GIGYF2: variants seen among roughly 807,000 people sequenced by gnomAD.
GIGYF2 encodes the protein GRB10-interacting GYF protein 2.
Under a neutral mutation model 208.1 loss-of-function variants are expected in GIGYF2, and 25 were observed. The ratio of observed to expected loss-of-function variants is 0.12; its 90% CI spans 0.09 to 0.17. The LOEUF (loss-of-function observed/expected upper bound fraction) is 0.17. GIGYF2 is among the 10% of genes least tolerant of loss of function. GIGYF2 has a pLI of 1.00. For synonymous variants in GIGYF2, 534 were observed against 543.8 expected, an observed-to-expected ratio of 0.98 and a Z score of 0.25; for missense variants, 1,302 against 1,579.4, an observed-to-expected ratio of 0.82 and a Z score of 2.98.
chr2:232,739,574 A>C (rs1010123163), intron 3 of GIGYF2, among the ~76,000 whole-genome samples: 2 of 151,104 alleles, frequency 1.3e-5, no homozygotes, highest in Non-Finnish European at 3.0e-5. Flanking sequence ...AGCTACTTGG[A>C]AGGCTGAAGT....
Position 232,811,259 on chromosome 2 carries a change from G to C in GIGYF2, c.1914G>C (p.Gln638His). The C allele has an allele frequency of 6.2e-7, 1 of 1,604,406 alleles. No homozygotes were observed. Among genetic ancestry groups the C allele is most frequent in the Non-Finnish European group, 8.5e-7 (1 of 1,171,174 alleles). The change falls in exon 17 of 29, where the codon CAG (glutamine) becomes CAC (histidine). Residue 638 changes from glutamine to histidine, a missense_variant. Physicochemically the swap from Gln to His is conservative, Grantham distance 24. This residue lies in a region of GIGYF2 where 701 missense variants were observed against 793.0 expected (regional missense o/e 0.88). Coordinates refer to ENST00000373563, the MANE Select transcript of GIGYF2 (RefSeq NM_001103146.3). Reference protein sequence around the residue: ...QQFLIQQQYAQVLAQQQKAAL... With the variant: ...QQFLIQQQYAHVLAQQQKAAL... ...CTTTTTGAAGACAACAATATGCACA[G>C]GTTTTGGCCCAACAGCAGAAAGCAG...
At chr2:232,710,418 G>A (rs545765335) in intron 2 of GIGYF2, among the ~76,000 whole-genome samples, 10 of 152,270 alleles carry the variant, frequency 6.6e-5, no homozygotes, top group African/African-American at 2.4e-4. Flanking sequence ...AGACATGTCA[G>A]TGAGTTCTGT....
intron 3 of GIGYF2, chr2:232,736,787 A>G (rs949710346): frequency 6.6e-5 from 10 of 152,044 alleles, no homozygotes; most frequent in Admixed American, 3.3e-4. Context: ...TCTCTTTTAT[A>G]TTTACATACC....
chr2:232,793,021 C>G (rs1472483555), intron 12 of GIGYF2, among the ~76,000 whole-genome samples: 1 of 152,072 alleles, frequency 6.6e-6, no homozygotes, highest in East Asian at 1.9e-4. Flanking sequence ...TAGGTGGTCT[C>G]TGAACACATC....
chr2:232,755,543 C>T (rs1171783137), intron 5 of GIGYF2, among the ~76,000 whole-genome samples: 1 of 152,210 alleles, frequency 6.6e-6, no homozygotes, highest in Non-Finnish European at 1.5e-5. Flanking sequence ...CAAAGGTGCA[C>T]TCCACTATCT....
chr2:232,845,116 T>C (rs922613463), intron 25 of GIGYF2, among the ~76,000 whole-genome samples: 1 of 152,188 alleles, frequency 6.6e-6, no homozygotes, highest in Non-Finnish European at 1.5e-5. Flanking sequence ...TGTGTGACCT[T>C]GGGCAAGAGG....
intron 1 of GIGYF2, among the ~76,000 whole-genome samples, chr2:232,703,090 G>T (rs552848204): frequency 1.4e-4 from 21 of 152,262 alleles, no homozygotes; most frequent in African/African-American, 4.8e-4. Context: ...CTGGCAGTAG[G>T]TTTTAAAAGT....
intron 2 of GIGYF2, among the ~76,000 whole-genome samples, chr2:232,728,591 A>G (rs1255333048): frequency 3.3e-5 from 5 of 152,164 alleles, no homozygotes; most frequent in Admixed American, 2.6e-4. Context: ...CAGTGATCCC[A>G]TGCCACATTG....
At chr2:232,712,854 CAT>C (rs1372924759) in intron 2 of GIGYF2, among the ~76,000 whole-genome samples, 1 of 152,122 alleles carries the variant, frequency 6.6e-6, no homozygotes, top group African/African-American at 2.4e-5. Flanking sequence ...TTGGAATAAA[CAT>C]ATCACTGAAG....
At chr2:232,789,261 G>T (rs1184550692) in intron 9 of GIGYF2, among the ~76,000 whole-genome samples, 3 of 152,134 alleles carry the variant, frequency 2.0e-5, no homozygotes, top group Non-Finnish European at 2.9e-5. Flanking sequence ...GGATGTGCGT[G>T]GGGGTGGGAA....
intron 21 of GIGYF2, among the ~76,000 whole-genome samples, chr2:232,821,648 T>G (rs941483484): frequency 2.6e-5 from 4 of 152,354 alleles, no homozygotes; most frequent in African/African-American, 7.2e-5. Context: ...TCTATTTATT[T>G]TCCTAGGGGG....
intron 2 of GIGYF2, among the ~76,000 whole-genome samples, chr2:232,704,093 C>T (rs1379755220): frequency 6.6e-6 from 1 of 152,064 alleles, no homozygotes; most frequent in African/African-American, 2.4e-5. Context: ...GGTTCTTTGT[C>T]ATTGATCACA....
chr2:232,760,791 T>G, intron 7 of GIGYF2, 200 bp downstream of exon 7: 1 of 529,746 alleles, frequency 1.9e-6, no homozygotes, highest in South Asian at 2.3e-5. Context: ...ATAGATAGGT[T>G]AATATATGAG....
chr2:232,701,777 A>T (rs183816126), intron 1 of GIGYF2, among the ~76,000 whole-genome samples: 58 of 152,258 alleles, frequency 3.8e-4, no homozygotes, highest in South Asian at 2.1e-4. Flanking sequence ...TTGCAAAAAA[A>T]GTAGCCATGT....
intron 2 of GIGYF2, among the ~76,000 whole-genome samples, chr2:232,721,583 T>C (rs1305863542): frequency 1.3e-5 from 2 of 152,222 alleles, no homozygotes; most frequent in Admixed American, 6.5e-5. Flanking sequence ...CCTAGCTTGC[T>C]GTTGTTCCTT....
intron 22 of GIGYF2, among the ~76,000 whole-genome samples, chr2:232,836,914 C>G (rs1701656120): frequency 1.3e-5 from 2 of 152,190 alleles, no homozygotes; most frequent in South Asian, 4.1e-4. Context: ...CTACCTGTTT[C>G]CTACACCACT....
chr2:232,733,915 T>A (rs1296292329), intron 2 of GIGYF2, among the ~76,000 whole-genome samples: 1 of 152,136 alleles, frequency 6.6e-6, no homozygotes, highest in Non-Finnish European at 1.5e-5. Context: ...GTTGGTTGAA[T>A]CCATGAACCA....
intron 1 of GIGYF2, among the ~76,000 whole-genome samples, chr2:232,698,559 T>G (rs988394184): frequency 4.6e-5 from 7 of 152,246 alleles, no homozygotes; most frequent in Non-Finnish European, 7.3e-5. Flanking sequence ...TTGGCCTTAT[T>G]TTGTCCATTT....
chr2:232,700,447 C>T (rs920743887), intron 1 of GIGYF2: 4 of 152,188 alleles, frequency 2.6e-5, no homozygotes, highest in African/African-American at 9.7e-5. Context: ...AAAAAGATTA[C>T]TACTGTCGCT....
Sources: gnomAD v4.1 joint callset for allele counts (sites outside exome capture counted in the v4.1 genomes callset) on GRCh38, gnomAD v4.1.1 for gene constraint, gnomAD v4.1.1 regional missense constraint, MANE v1.5 for transcripts, NCBI Gene and HGNC (gene_info 2026-07-23, HGNC 2026-07-21) for gene names.